The following PDGFC variants were observed in gnomAD, a reference collection of about 807,000 sequenced individuals.
The protein encoded by PDGFC is platelet derived growth factor C, also known as platelet-derived growth factor C.
In PDGFC, 12 loss-of-function variants were observed where a neutral mutation model predicts 35.5. The observed-to-expected ratio is 0.34, with a 90% CI of 0.22 to 0.55. PDGFC has a LOEUF of 0.55. PDGFC is among the 20% of genes least tolerant of loss of function. The probability of loss-of-function intolerance (pLI) is 0.91; values close to 1 mark genes in which losing one functional copy is unlikely to be tolerated. For synonymous variants in PDGFC, 159 were observed against 148.8 expected (o/e 1.07, Z -0.50); for missense variants, 322 against 412.4 (o/e 0.78, Z 1.90).
At chr4:156,954,586 C>T (rs980307134) in intron 1 of PDGFC, among the ~76,000 whole-genome samples, 3 of 151,922 alleles carry the variant, frequency 2.0e-5, no homozygotes, top group Non-Finnish European at 2.9e-5. Flanking sequence ...AAACTTTATC[C>T]TAAAGTTCCC....
intron 3 of PDGFC, among the ~76,000 whole-genome samples, chr4:156,773,306 G>A (rs1198641628): frequency 6.6e-6 from 1 of 152,000 alleles, no homozygotes; most frequent in East Asian, 1.9e-4. Context: ...ATTAAAAATG[G>A]AATAAGAAAT....
chr4:156,852,192 G>T (rs959460953), intron 1 of PDGFC, among the ~76,000 whole-genome samples: 1 of 151,944 alleles, frequency 6.6e-6, no homozygotes, highest in Non-Finnish European at 1.5e-5. Context: ...TGCCTCATTG[G>T]TATTCATAAT....
At position 156,971,777 on chromosome 4, in the gene PDGFC, C is replaced by CG; in HGVS notation, c.-875dup. 6.6e-6 allele frequency among the ~76,000 whole-genome samples: 1 copy of CG among 151,894 alleles called. No individual in the cohort carries two copies. On this transcript the variant is annotated 5_prime_UTR_variant, in exon 1 of 6. Coordinates refer to ENST00000502773, the MANE Select transcript of PDGFC (RefSeq NM_016205.3). ...GGGCTCCGCGCTAACCTCGGGGCTACGCGCGGCGTCTCCGCACGGGGTGAA... is the reference window on the plus strand; with the variant it reads ...GGGCTCCGCGCTAACCTCGGGGCTACGGCGCGGCGTCTCCGCACGGGGTGAA...
At chr4:156,947,717 A>G (rs1029368489) in intron 1 of PDGFC, among the ~76,000 whole-genome samples, 5 of 152,022 alleles carry the variant, frequency 3.3e-5, no homozygotes, top group African/African-American at 1.2e-4. Context: ...TCCTTGATTC[A>G]GTTTAGTGTC....
chr4:156,874,162 T>C (rs1730053387), intron 1 of PDGFC, among the ~76,000 whole-genome samples: 6 of 152,200 alleles, frequency 3.9e-5, no homozygotes. Flanking sequence ...ACATTATCTC[T>C]GATACGTGAC....
intron 1 of PDGFC, among the ~76,000 whole-genome samples, chr4:156,879,434 G>A (rs988414395): frequency 2.0e-5 from 3 of 152,046 alleles, no homozygotes. Flanking sequence ...CTTCTCTTAA[G>A]TTATTTACTT....
chr4:156,894,138 A>T (rs1730577234), intron 1 of PDGFC, among the ~76,000 whole-genome samples: 1 of 152,208 alleles, frequency 6.6e-6, no homozygotes, highest in Non-Finnish European at 1.5e-5. Context: ...TTATTACTTC[A>T]TCACTGTAAG....
intron 3 of PDGFC, among the ~76,000 whole-genome samples, chr4:156,801,786 C>T (rs1249671834): frequency 6.6e-5 from 10 of 152,112 alleles, no homozygotes. Flanking sequence ...CTGTAAAATG[C>T]ATAATCACTT....
chr4:156,785,593 C>G (rs1325188914), intron 3 of PDGFC, among the ~76,000 whole-genome samples: 1 of 152,110 alleles, frequency 6.6e-6, no homozygotes, highest in Non-Finnish European at 1.5e-5. Context: ...GCACAACAGT[C>G]TGGAAAGGGA....
chr4:156,864,337 A>G (rs1443238314), intron 1 of PDGFC, among the ~76,000 whole-genome samples: 1 of 152,148 alleles, frequency 6.6e-6, no homozygotes, highest in African/African-American at 2.4e-5. Flanking sequence ...ATAGAGTTAT[A>G]TTAAATTCAT....
intron 1 of PDGFC, among the ~76,000 whole-genome samples, chr4:156,884,909 T>A (rs760843550): frequency 6.6e-6 from 1 of 152,192 alleles, no homozygotes; most frequent in African/African-American, 2.4e-5. Flanking sequence ...AAGATACATA[T>A]ACAACATGGC....
chr4:156,797,212 T>C (rs1011155728), intron 3 of PDGFC, among the ~76,000 whole-genome samples: 1 of 149,436 alleles, frequency 6.7e-6, no homozygotes, highest in Non-Finnish European at 1.5e-5. Flanking sequence ...CACTCCACCC[T>C]GTGCGACAGA....
At chr4:156,873,268 G>A (rs750261822) in intron 1 of PDGFC, among the ~76,000 whole-genome samples, 1 of 152,066 alleles carries the variant, frequency 6.6e-6, no homozygotes, top group Admixed American at 6.5e-5. Context: ...ATCAACTGTA[G>A]GAGCTCACTA....
intron 1 of PDGFC, among the ~76,000 whole-genome samples, chr4:156,899,671 G>A (rs180864945): frequency 9.2e-5 from 14 of 151,994 alleles, no homozygotes; most frequent in South Asian, 2.1e-4. Flanking sequence ...AAAAGTTAGC[G>A]GAGGTTGGTG....
intron 1 of PDGFC, among the ~76,000 whole-genome samples, chr4:156,879,551 G>T (rs1239279682): frequency 6.6e-6 from 1 of 152,058 alleles, no homozygotes; most frequent in Non-Finnish European, 1.5e-5. Context: ...ACAAGCACAG[G>T]ACATTAATAA....
intron 1 of PDGFC, among the ~76,000 whole-genome samples, chr4:156,960,800 C>G (rs900503750): frequency 6.6e-6 from 1 of 152,000 alleles, no homozygotes; most frequent in African/African-American, 2.4e-5. Context: ...TTTATCCATC[C>G]TTTTAATGGG....
At chr4:156,839,142 G>C (rs1033163629) in intron 2 of PDGFC, among the ~76,000 whole-genome samples, 3 of 152,270 alleles carry the variant, frequency 2.0e-5, no homozygotes, top group Non-Finnish European at 4.4e-5. Context: ...TAGAAGCAAG[G>C]AGCCAGCAAG....
chr4:156,960,305 A>G (rs1451024875), intron 1 of PDGFC, among the ~76,000 whole-genome samples: 1 of 147,926 alleles, frequency 6.8e-6, no homozygotes, highest in Non-Finnish European at 1.5e-5. Flanking sequence ...CTCTACAACT[A>G]TGCATTTTGT....
chr4:156,824,343 C>T (rs1211147784), intron 2 of PDGFC, among the ~76,000 whole-genome samples: 1 of 111,008 alleles, frequency 9.0e-6, no homozygotes, highest in Non-Finnish European at 1.8e-5. Flanking sequence ...CACACACACA[C>T]ACACACATAT....
Sources: gnomAD v4.1 joint callset for allele counts (sites outside exome capture counted in the v4.1 genomes callset) on GRCh38, gnomAD v4.1.1 for gene constraint, MANE v1.5 for transcripts, NCBI Gene and HGNC (gene_info 2026-07-23, HGNC 2026-07-21) for gene names.